RASEF: variants seen among roughly 807,000 people sequenced by gnomAD.
RASEF encodes the protein ras and EF-hand domain-containing protein.
In RASEF, 68 loss-of-function variants were observed where a neutral mutation model predicts 90.1. The observed-to-expected ratio is 0.75, with a 90% CI of 0.62 to 0.92. The LOEUF (loss-of-function observed/expected upper bound fraction) is 0.92. RASEF is among the 40% of genes least tolerant of loss of function. The probability of loss-of-function intolerance (pLI) is 0.00; values close to 1 mark genes in which losing one functional copy is unlikely to be tolerated. For missense variants in RASEF, 949 were observed against 937.2 expected, an observed-to-expected ratio of 1.01 and a Z score of -0.16; for synonymous variants, 331 against 345.2, an observed-to-expected ratio of 0.96 and a Z score of 0.46.
chr9:83,168,256 T>C, the RASEF span, among the ~76,000 whole-genome samples: 1 of 152,204 alleles, frequency 6.6e-6, no homozygotes, highest in Non-Finnish European at 1.5e-5. Context: ...TGATGTTTAA[T>C]GATATGAGCA....
chr9:83,177,267 G>A, the RASEF span, among the ~76,000 whole-genome samples: 1 of 152,020 alleles, frequency 6.6e-6, no homozygotes, highest in Non-Finnish European at 1.5e-5. Context: ...AGTAACTGTG[G>A]TTTTTCGCAA....
At chr9:83,190,475 T>C in the RASEF span, among the ~76,000 whole-genome samples, 1 of 152,190 alleles carries the variant, frequency 6.6e-6, no homozygotes, top group Non-Finnish European at 1.5e-5. Context: ...CTCTCATTTA[T>C]GTGCTATCTC....
intron 4 of RASEF, among the ~76,000 whole-genome samples, chr9:83,012,725 G>A (rs561551208): frequency 6.6e-6 from 1 of 152,294 alleles, no homozygotes; most frequent in Admixed American, 6.5e-5. Flanking sequence ...GTTTTGTTGT[G>A]AAATGAACTT....
chr9:83,038,127 T>C (rs1292988003), intron 1 of RASEF, among the ~76,000 whole-genome samples: 1 of 151,520 alleles, frequency 6.6e-6, no homozygotes, highest in East Asian at 1.9e-4. Flanking sequence ...ATTTAAAGAA[T>C]CATAAACGAA....
At position 82,992,960 on chromosome 9, in the gene RASEF, A is replaced by G. The variant is rs747937803; in HGVS notation, c.1986T>C (p.Ala662=). Reference sequence around the variant, plus strand: ...GGACACATTTTTGTCCCTCTGTAGCAGCAGTGTCACGAATGTCAGCCTTGT... The same window carrying G: ...GGACACATTTTTGTCCCTCTGTAGCGGCAGTGTCACGAATGTCAGCCTTGT... The part of the protein sequence containing the change: ...VGNKADIRDT[A]ATEGQKCVPG... The change falls in exon 15 of 17, where the codon GCT becomes GCC. Residue 662 remains alanine (A), a synonymous_variant. Coordinates refer to ENST00000376447, the MANE Select transcript of RASEF (RefSeq NM_152573.4). 1 of 1,613,992 alleles carries G rather than the reference A, an allele frequency of 6.2e-7. No homozygotes were observed. The highest frequency in any genetic ancestry group is 1.1e-5 in the South Asian group (1 of 91,080).
intron 9 of RASEF, among the ~76,000 whole-genome samples, chr9:83,004,109 A>G (rs530709978): frequency 5.9e-5 from 9 of 152,172 alleles, no homozygotes; most frequent in Non-Finnish European, 1.2e-4. Flanking sequence ...CTCATATAAT[A>G]TTATGCTGAG....
chr9:83,059,341 G>C (rs1281674253), intron 1 of RASEF, among the ~76,000 whole-genome samples: 1 of 132,776 alleles, frequency 7.5e-6, no homozygotes, highest in Non-Finnish European at 1.6e-5. Context: ...TGAACACCAA[G>C]ACTGGCTCAC....
chr9:83,030,382 C>T (rs930870473), intron 1 of RASEF, among the ~76,000 whole-genome samples: 7 of 151,906 alleles, frequency 4.6e-5, no homozygotes, highest in Non-Finnish European at 8.8e-5. Flanking sequence ...ATACTGTCAC[C>T]TAGAGTCCTT....
intron 3 of RASEF, among the ~76,000 whole-genome samples, chr9:83,021,122 A>C (rs1829436054): frequency 1.3e-5 from 2 of 152,232 alleles, no homozygotes; most frequent in Non-Finnish European, 2.9e-5. Context: ...CCACAGGAAA[A>C]AGCAGGACAG....
At chr9:83,206,227 A>AT in the RASEF span, among the ~76,000 whole-genome samples, 1 of 152,312 alleles carries the variant, frequency 6.6e-6, no homozygotes, top group Admixed American at 6.5e-5. Context: ...AAATAAGAAT[A>AT]TTTTTTCGTT....
At chr9:82,995,664 T>G (rs1354739944) in intron 14 of RASEF, among the ~76,000 whole-genome samples, 1 of 152,128 alleles carries the variant, frequency 6.6e-6, no homozygotes, top group Non-Finnish European at 1.5e-5. Flanking sequence ...CAGACTGATC[T>G]CAAACTCCTC....
At chr9:83,015,976 C>T (rs749883758) in intron 3 of RASEF, 76 bp from the exon 4 acceptor site, 13 of 1,064,984 alleles carry the variant, frequency 1.2e-5, no homozygotes, top group Non-Finnish European at 1.7e-5. Flanking sequence ...AGGTGAGAAA[C>T]ATTTTGTGTC....
the RASEF span, among the ~76,000 whole-genome samples, chr9:83,091,517 T>C: frequency 6.6e-6 from 1 of 152,036 alleles, no homozygotes; most frequent in Non-Finnish European, 1.5e-5. Flanking sequence ...ATTGCACCAC[T>C]GCACTCCAGT....
intron 1 of RASEF, chr9:83,055,698 T>C: frequency 1.4e-6 from 1 of 717,160 alleles, no homozygotes; most frequent in Non-Finnish European, 2.6e-6. Flanking sequence ...AATACAAAAG[T>C]CATCCAAATC....
chr9:83,151,894 A>T, the RASEF span, among the ~76,000 whole-genome samples: 1 of 152,064 alleles, frequency 6.6e-6, no homozygotes, highest in African/African-American at 2.4e-5. Flanking sequence ...GATATAGATT[A>T]TTTTTTTCCA....
the RASEF span, among the ~76,000 whole-genome samples, chr9:83,135,743 C>T: frequency 1.1e-4 from 17 of 152,140 alleles, no homozygotes; most frequent in African/African-American, 3.4e-4. Context: ...CTCTAAGCCC[C>T]ATGCTCTGTA....
At position 83,037,512 on chromosome 9, in the gene RASEF, C is replaced by G. The variant is rs561464870; in HGVS notation, c.432-11591G>C. On this transcript the variant is annotated intron_variant, in intron 1 of 16. Coordinates refer to ENST00000376447, the MANE Select transcript of RASEF (RefSeq NM_152573.4). The stretch of plus-strand genomic sequence containing the variant: ...TTATATTTTTACCAAATTAAGAAAT[C>G]TGTGAAGTAGAAACACACTGGAATT... Among the ~76,000 whole-genome samples the G allele has an allele frequency of 2.6e-5, 4 of 152,240 alleles. 1 individual carries two copies. In the South Asian group the frequency reaches 6.2e-4, roughly 24 times the overall value.
chr9:83,205,875 G>A, the RASEF span, among the ~76,000 whole-genome samples: 3 of 152,200 alleles, frequency 2.0e-5, no homozygotes, highest in Admixed American at 1.3e-4. Flanking sequence ...TGAACACACC[G>A]TATAGACATT....
the RASEF span, among the ~76,000 whole-genome samples, chr9:83,200,198 C>A: frequency 6.6e-6 from 1 of 152,056 alleles, no homozygotes; most frequent in South Asian, 2.1e-4. Context: ...GAGTTTGAGG[C>A]CAGGCTGACT....
Sources: gnomAD v4.1 joint callset for allele counts (sites outside exome capture counted in the v4.1 genomes callset) on GRCh38, gnomAD v4.1.1 for gene constraint, MANE v1.5 for transcripts, NCBI Gene and HGNC (gene_info 2026-07-23, HGNC 2026-07-21) for gene names.